ESYT2: variants seen among roughly 807,000 people sequenced by gnomAD.
The protein encoded by ESYT2 is extended synaptotagmin 2, also known as extended synaptotagmin-2.
In ESYT2, 54 loss-of-function variants were observed where a neutral mutation model predicts 107.2. The observed-to-expected ratio is 0.50, with a 90% CI of 0.40 to 0.63. ESYT2 has a LOEUF of 0.63. ESYT2 is among the 30% of genes least tolerant of loss of function. The pLI is 0.00. For missense variants in ESYT2, 1,020 were observed against 1,094.5 expected, an observed-to-expected ratio of 0.93 and a Z score of 0.96; for synonymous variants, 491 against 434.1, an observed-to-expected ratio of 1.13 and a Z score of -1.63.
At chr7:158,760,879 T>C (rs1317117194) in intron 11 of ESYT2, among the ~76,000 whole-genome samples, 2 of 152,224 alleles carry the variant, frequency 1.3e-5, no homozygotes, top group Admixed American at 1.3e-4. Context: ...TCACAGCCAA[T>C]GAATGCTGAA....
rs1554419836 is a variant in ESYT2, at chr7:158,785,471, AAATC to A, written c.747+2529_747+2532del. On this transcript the variant is annotated intron_variant, in intron 6 of 22. Transcript: ENST00000275418. ...TAAATAAATAAATAAATAAATAAAT[AAATC>A]ACCTCCAGTGTCAGGACTAAACCTA... is the stretch of plus-strand genomic sequence containing the variant. Among the ~76,000 whole-genome samples, 325 of 137,564 alleles carry A rather than the reference AAATC, an allele frequency of 2.4e-3. 3 individuals are homozygous for A. The highest frequency in any genetic ancestry group is 8.3e-3 in the African/African-American group (305 of 36,754). The allele number at this position is 137,564 out of a possible 152,430, so 90.2% of individuals were successfully genotyped here.
At chr7:158,745,835 T>C (rs1837383675) in intron 16 of ESYT2, among the ~76,000 whole-genome samples, 1 of 152,182 alleles carries the variant, frequency 6.6e-6, no homozygotes, top group Non-Finnish European at 1.5e-5. Context: ...ATTTGTGAGA[T>C]GTAGCTACAG....
chr7:158,785,333 G>A (rs1463308372), intron 6 of ESYT2, among the ~76,000 whole-genome samples: 2 of 152,062 alleles, frequency 1.3e-5, no homozygotes, highest in East Asian at 3.9e-4. Context: ...GCTGAGGCAG[G>A]ACAATCACTT....
chr7:158,773,365 T>C lies in ESYT2; in HGVS notation c.779A>G (p.Asn260Ser), dbSNP rs762714919. The C allele has an allele frequency of 4.3e-6, 7 of 1,614,156 alleles. No homozygotes were observed. Among genetic ancestry groups the C allele is most frequent in the Non-Finnish European group, 5.9e-6 (7 of 1,180,030 alleles). Residue 260 changes from asparagine (N) to serine (S), a missense_variant, in exon 7 of 23, where the codon AAT becomes AGT. By Grantham distance (46) the Asn-to-Ser change is conservative. Coordinates refer to ENST00000275418, the MANE Select transcript of ESYT2 (RefSeq NM_001367773.1). ...CTTCAATCCAGGGACATCCAGAAGA[T>C]TCGTCAGTCCTGTCCAGTTAATTTC... The part of the protein sequence containing the change: ...LLEINWTGLT[N>S]LLDVPGLNGL...
At chr7:158,785,895 A>C (rs80199622) in intron 6 of ESYT2, among the ~76,000 whole-genome samples, 2 of 152,238 alleles carry the variant, frequency 1.3e-5, no homozygotes, top group African/African-American at 4.8e-5. Context: ...AAGGGTTTCT[A>C]AATCATCCAA....
rs773176310 is a variant in ESYT2, at chr7:158,767,737, T to G, written c.841A>C (p.Asn281His). ...ATTCGATTGGGAAGCACCAGATAGTTTGATATTATATCCAAAATGATAGTA... is the reference window on the plus strand; with the variant it reads ...ATTCGATTGGGAAGCACCAGATAGTGTGATATTATATCCAAAATGATAGTA... Reference protein sequence around the residue: ...SDTIILDIISNYLVLPNRITV... With the variant: ...SDTIILDIISHYLVLPNRITV... The change falls in exon 8 of 23, where the codon AAC (asparagine) becomes CAC (histidine). Residue 281 changes from asparagine (N) to histidine (H), a missense_variant. By Grantham distance (68) the Asn-to-His change is moderately conservative (BLOSUM62 1). Transcript: ENST00000275418. 3 of 1,613,050 alleles carry G rather than the reference T, an allele frequency of 1.9e-6. No individual in the cohort carries two copies. The Admixed American group carries it at 5.0e-5, about 27-fold the overall frequency.
intron 6 of ESYT2, among the ~76,000 whole-genome samples, chr7:158,785,824 C>T (rs895043689): frequency 2.0e-5 from 3 of 152,136 alleles, no homozygotes; most frequent in Non-Finnish European, 1.5e-5. Flanking sequence ...TTTCCTTCAA[C>T]AAGTTCTACA....
intron 4 of ESYT2, among the ~76,000 whole-genome samples, chr7:158,789,458 G>A (rs1309438420): frequency 1.3e-5 from 2 of 152,098 alleles, no homozygotes; most frequent in Non-Finnish European, 2.9e-5. Context: ...CTGGGTTCAG[G>A]TGATTCTCCT....
intron 3 of ESYT2, among the ~76,000 whole-genome samples, chr7:158,794,558 A>G (rs1270397371): frequency 6.6e-6 from 1 of 152,088 alleles, no homozygotes; most frequent in Non-Finnish European, 1.5e-5. Flanking sequence ...TGGCAGGTGG[A>G]GGCGGAAGAA....
At chr7:158,805,609 G>T (rs565024230) in intron 1 of ESYT2, among the ~76,000 whole-genome samples, 1 of 152,174 alleles carries the variant, frequency 6.6e-6, no homozygotes, top group African/African-American at 2.4e-5. Context: ...CCACAAGGTT[G>T]TAATTTTCTC....
chr7:158,809,474 C>CAAAAAAAAAAAA (rs67422901), intron 1 of ESYT2, among the ~76,000 whole-genome samples: 6 of 49,740 alleles, frequency 1.2e-4, no homozygotes, highest in Non-Finnish European at 2.0e-4. Context: ...GAATCCATCT[C>CAAAAAAAAAAAA]AAAAAAAAAA....
At chr7:158,748,997 GTTTTCTTTTAAACTA>G (rs1473217329) in intron 15 of ESYT2, among the ~76,000 whole-genome samples, 3 of 152,046 alleles carry the variant, frequency 2.0e-5, no homozygotes, top group African/African-American at 4.8e-5. Context: ...AGCACTGTTG[GTTTTCTTTTAAACTA>G]TTTATAGAGT....
chr7:158,741,849 T>C lies in ESYT2; in HGVS notation c.1842A>G (p.Ser614=), dbSNP rs764680353. Reference sequence around the variant, plus strand: ...ACACAGAGGGACGTTTGACTTGAGCTGAGTGTTGGTGGTCTGGAGGCCTTT... The same window carrying C: ...ACACAGAGGGACGTTTGACTTGAGCCGAGTGTTGGTGGTCTGGAGGCCTTT... The part of the protein sequence containing the change: ...KRERPPDHQH[S]AQVKRPSVSK... The change falls in exon 18 of 23, where the codon TCA becomes TCG. Residue 614 remains serine, a synonymous_variant. Transcript: ENST00000275418. 65 of 1,613,410 alleles carry C rather than the reference T, an allele frequency of 4.0e-5. 1 individual carries two copies. In the South Asian group the frequency reaches 6.9e-4, roughly 17 times the overall value.
intron 1 of ESYT2, among the ~76,000 whole-genome samples, chr7:158,816,676 T>C (rs545726256): frequency 3.0e-4 from 45 of 152,312 alleles, no homozygotes; most frequent in African/African-American, 1.0e-3. Context: ...GCACCAACCA[T>C]GTCATCCTTT....
intron 7 of ESYT2, among the ~76,000 whole-genome samples, chr7:158,771,398 G>A (rs1422744309): frequency 6.6e-6 from 1 of 152,236 alleles, no homozygotes; most frequent in Non-Finnish European, 1.5e-5. Context: ...TTTGGGGGAT[G>A]CCCCCATTCA....
intron 6 of ESYT2, among the ~76,000 whole-genome samples, chr7:158,779,797 T>C (rs1380192430): frequency 2.6e-5 from 4 of 152,218 alleles, no homozygotes; most frequent in Admixed American, 2.6e-4. Flanking sequence ...AGGCCCATAT[T>C]TGCTTCTATG....
chr7:158,784,281 T>C (rs887925460), intron 6 of ESYT2, among the ~76,000 whole-genome samples: 2 of 152,264 alleles, frequency 1.3e-5, no homozygotes, highest in African/African-American at 4.8e-5. Flanking sequence ...GATGTGCCTG[T>C]GGCCCTGACT....
At chr7:158,823,445 G>A (rs1035079074) in intron 1 of ESYT2, among the ~76,000 whole-genome samples, 2 of 148,462 alleles carry the variant, frequency 1.3e-5, no homozygotes, top group Non-Finnish European at 3.0e-5. Context: ...TCCTGCCTCA[G>A]CCTCCCGAGT....
Position 158,732,012 on chromosome 7 carries a change from T to A in ESYT2, c.*2195A>T, listed in dbSNP as rs1490999678. On this transcript the variant is annotated 3_prime_UTR_variant, in exon 23 of 23. Transcript: ENST00000275418. ...AGGCCCTGGGGACAGCGCTACTGAC[T>A]CCACTGCCTCAGGGCAGGCACGGTG... The A allele has an allele frequency of 6.6e-6, 1 of 152,182 alleles. No homozygotes were observed. The highest frequency in any genetic ancestry group is 1.5e-5 in the Non-Finnish European group (1 of 68,046). The allele number at this position is 152,182 out of a possible 1,614,324, so 9.4% of individuals were successfully genotyped here.
Sources: gnomAD v4.1 joint callset for allele counts (sites outside exome capture counted in the v4.1 genomes callset) on GRCh38, gnomAD v4.1.1 for gene constraint, MANE v1.5 for transcripts, NCBI Gene and HGNC (gene_info 2026-07-23, HGNC 2026-07-21) for gene names.